Variants in HS6ST2 observed in about 807,000 individuals in gnomAD.
The protein encoded by HS6ST2 is heparan sulfate 6-O-sulfotransferase 2.
HS6ST2 carries 17 observed loss-of-function variants against 33.0 expected under a neutral mutation model. The ratio of observed to expected loss-of-function variants is 0.52; its 90% CI spans 0.35 to 0.77. HS6ST2 has a LOEUF of 0.77. HS6ST2 is among the 30% of genes least tolerant of loss of function. The probability of loss-of-function intolerance (pLI) is 0.01; values close to 1 mark genes in which losing one functional copy is unlikely to be tolerated. For synonymous variants in HS6ST2, 248 were observed against 237.1 expected, an observed-to-expected ratio of 1.05 and a Z score of -0.42; for missense variants, 519 against 551.7, an observed-to-expected ratio of 0.94 and a Z score of 0.59.
chrX:132,753,149 G>C (rs1032533166), intron 2 of HS6ST2, among the ~76,000 whole-genome samples: 9 of 111,753 alleles, frequency 8.1e-5, no homozygotes, highest in African/African-American at 2.9e-4. Flanking sequence ...CTGTGGCTTA[G>C]GCTTCCAACC....
intron 2 of HS6ST2, among the ~76,000 whole-genome samples, chrX:132,713,283 A>G (rs1005452754): frequency 1.8e-5 from 2 of 111,003 alleles, no homozygotes; most frequent in African/African-American, 6.6e-5. Flanking sequence ...CATGTAGCAG[A>G]ATGTCAGGTC....
intron 2 of HS6ST2, among the ~76,000 whole-genome samples, chrX:132,868,417 G>A (rs1423399599): frequency 8.9e-6 from 1 of 111,923 alleles, no homozygotes; most frequent in Non-Finnish European, 1.9e-5. Flanking sequence ...GCTCAGCTCT[G>A]GACCAAGTGG....
At chrX:132,891,443 G>A (rs1465683854) in intron 2 of HS6ST2, among the ~76,000 whole-genome samples, 1 of 106,783 alleles carries the variant, frequency 9.4e-6, no homozygotes, top group Non-Finnish European at 1.9e-5. Flanking sequence ...GTGCAGGTTA[G>A]TTACATATGT....
chrX:132,826,582 TTTAAA>T, intron 2 of HS6ST2, among the ~76,000 whole-genome samples: 1 of 110,389 alleles, frequency 9.1e-6, no homozygotes, highest in African/African-American at 3.3e-5. Flanking sequence ...ACTAAAAAAC[TTTAAA>T]ATTATATATA....
chrX:132,769,440 A>G (rs1267319361), intron 2 of HS6ST2, among the ~76,000 whole-genome samples: 2 of 112,094 alleles, frequency 1.8e-5, no homozygotes, highest in Non-Finnish European at 3.8e-5. Flanking sequence ...CATCACCGAA[A>G]TAGACCAGTT....
chrX:132,701,096 A>G (rs755622036), intron 3 of HS6ST2, among the ~76,000 whole-genome samples: 1 of 112,412 alleles, frequency 8.9e-6, no homozygotes, highest in Non-Finnish European at 1.9e-5. Context: ...TTACCAATCA[A>G]GATACTGGAT....
intron 2 of HS6ST2, among the ~76,000 whole-genome samples, chrX:132,768,854 C>A (rs1347783241): frequency 8.9e-6 from 1 of 112,660 alleles, no homozygotes; most frequent in Non-Finnish European, 1.9e-5. Flanking sequence ...TCTCCTAGTA[C>A]TCCTTTTCAC....
intron 2 of HS6ST2, among the ~76,000 whole-genome samples, chrX:132,826,786 G>C (rs940444907): frequency 9.0e-6 from 1 of 110,647 alleles, no homozygotes; most frequent in African/African-American, 3.3e-5. Flanking sequence ...AGTGGCATTT[G>C]AATTTCACAT....
At chrX:132,656,539 TTAGTG>T (rs1180609290) in intron 4 of HS6ST2, among the ~76,000 whole-genome samples, 2 of 111,809 alleles carry the variant, frequency 1.8e-5, no homozygotes, top group Non-Finnish European at 3.8e-5. Context: ...TTCTGAGATT[TTAGTG>T]CACCCATCAC....
chrX:132,653,116 C>T (rs780692479), intron 4 of HS6ST2, among the ~76,000 whole-genome samples: 19 of 111,465 alleles, frequency 1.7e-4, no homozygotes, highest in Non-Finnish European at 3.0e-4. Flanking sequence ...TCATTAATCT[C>T]GAAGCTTTAG....
At chrX:132,774,524 G>A (rs757768629) in intron 2 of HS6ST2, among the ~76,000 whole-genome samples, 4 of 111,603 alleles carry the variant, frequency 3.6e-5, no homozygotes, top group African/African-American at 1.3e-4. Context: ...AGGCATGGAC[G>A]ACTGAAGTTG....
intron 4 of HS6ST2, among the ~76,000 whole-genome samples, chrX:132,641,595 C>T (rs1259558959): frequency 8.8e-6 from 1 of 113,203 alleles, no homozygotes; most frequent in Admixed American, 9.3e-5. Flanking sequence ...GCTGTGTCAT[C>T]TTGGGCAAAT....
chrX:132,688,215 T>A (rs2064034343), intron 3 of HS6ST2, among the ~76,000 whole-genome samples: 1 of 111,803 alleles, frequency 8.9e-6, no homozygotes, highest in Non-Finnish European at 1.9e-5. Flanking sequence ...GGAACCTTTC[T>A]CCTAGGCTCC....
chrX:132,770,812 C>T (rs887494946), intron 2 of HS6ST2, among the ~76,000 whole-genome samples: 2 of 110,312 alleles, frequency 1.8e-5, no homozygotes, highest in African/African-American at 6.6e-5. Context: ...GTGGCTAATA[C>T]AACACAAGCC....
intron 2 of HS6ST2, among the ~76,000 whole-genome samples, chrX:132,814,223 C>T (rs1190114207): frequency 4.5e-5 from 5 of 112,037 alleles, no homozygotes; most frequent in African/African-American, 3.2e-5. Flanking sequence ...GGATTATAGG[C>T]GTGAGCCACC....
chrX:132,725,131 A>G (rs1448077788), intron 2 of HS6ST2, among the ~76,000 whole-genome samples: 1 of 111,561 alleles, frequency 9.0e-6, no homozygotes, highest in East Asian at 2.8e-4. Flanking sequence ...ACAGGCAACC[A>G]AAGCAAAATG....
At position 132,639,619 on chromosome X, in the gene HS6ST2, A is replaced by G. The variant is rs901655689; in HGVS notation, c.1068-10526T>C. On this transcript the variant is annotated intron_variant, in intron 4 of 4. Transcript: ENST00000370833. Reference sequence around the variant, plus strand: ...TAGGAACTCCTCCCTCCACATATGGAACTTCTCAGCTTACTGAGTGTTTCT... The same window carrying G: ...TAGGAACTCCTCCCTCCACATATGGGACTTCTCAGCTTACTGAGTGTTTCT... Among the ~76,000 whole-genome samples, 5 of 111,487 alleles carry G rather than the reference A, an allele frequency of 4.5e-5. No individual in the cohort carries two copies. In the Admixed American group the frequency reaches 4.8e-4, roughly 11 times the overall value.
intron 2 of HS6ST2, among the ~76,000 whole-genome samples, chrX:132,729,877 A>G (rs1283065636): frequency 9.1e-6 from 1 of 109,840 alleles, no homozygotes; most frequent in Non-Finnish European, 1.9e-5. Context: ...CTGAGATGGA[A>G]AAGTTTGAGA....
At chrX:132,631,715 CA>C (rs2063519044) in intron 4 of HS6ST2, among the ~76,000 whole-genome samples, 2 of 111,767 alleles carry the variant, frequency 1.8e-5, no homozygotes, top group South Asian at 7.5e-4. Flanking sequence ...TCTAACCCCC[CA>C]AAATGGAGTC....
Sources: gnomAD v4.1 joint callset for allele counts (sites outside exome capture counted in the v4.1 genomes callset) on GRCh38, gnomAD v4.1.1 for gene constraint, MANE v1.5 for transcripts, NCBI Gene and HGNC (gene_info 2026-07-23, HGNC 2026-07-21) for gene names.